Variants in DNAJC21 observed in about 807,000 individuals in gnomAD.
DNAJC21 encodes DnaJ heat shock protein family (Hsp40) member C21, also known as dnaJ homolog subfamily C member 21.
Under a neutral mutation model 72.4 loss-of-function variants are expected in DNAJC21, and 63 were observed. The observed-to-expected ratio is 0.87, with a 90% CI of 0.71 to 1.07. The LOEUF is 1.07. Ranked by LOEUF, DNAJC21 falls within the 50% of genes least tolerant of loss-of-function variation. The pLI is 0.00. For synonymous variants in DNAJC21, 203 were observed against 216.7 expected (o/e 0.94, Z 0.56); for missense variants, 634 against 644.8 (o/e 0.98, Z 0.18).
At chr5:34,939,382 C>T (rs552861648) in intron 6 of DNAJC21, among the ~76,000 whole-genome samples, 153 of 152,258 alleles carry the variant, frequency 1.0e-3, no homozygotes, top group Non-Finnish European at 1.6e-3. Flanking sequence ...TCTCCTGCCT[C>T]AGCCTCCCGA....
intron 5 of DNAJC21, 31 bp from the exon 6 acceptor site, chr5:34,938,827 G>A (rs1056354649): frequency 1.3e-6 from 2 of 1,551,304 alleles, no homozygotes; most frequent in African/African-American, 2.8e-5. Flanking sequence ...AGGCGTGCTT[G>A]TCGCTGTGAG....
At chr5:34,945,328 T>C (rs1002973886) in intron 8 of DNAJC21, among the ~76,000 whole-genome samples, 1 of 152,192 alleles carries the variant, frequency 6.6e-6, no homozygotes, top group Non-Finnish European at 1.5e-5. Context: ...TTCACCTGCC[T>C]CAGCCTCCCA....
Position 34,929,691 on chromosome 5 carries a change from C to A in DNAJC21, c.-129C>A. On this transcript the variant is annotated 5_prime_UTR_variant, in exon 1 of 12. It adds an upstream start codon to the 5' untranslated region. Transcript: ENST00000648817. ...CCGCCGCCGCCGCCGGGCTCGCTGG[C>A]TGGCCCGGTGCGGGCGGCGGACTCC... 4.2e-6 allele frequency: 1 copy of A among 240,850 alleles called. No homozygotes were observed. Among genetic ancestry groups the A allele is most frequent in the Non-Finnish European group, 6.7e-6 (1 of 150,362 alleles). 14.9% of individuals were successfully genotyped at this position (240,850 alleles called of 1,614,324 possible).
At chr5:34,944,405 A>G (rs919191969) in intron 7 of DNAJC21, among the ~76,000 whole-genome samples, 2 of 152,228 alleles carry the variant, frequency 1.3e-5, no homozygotes, top group African/African-American at 4.8e-5. Context: ...CTAATTTCCC[A>G]GTGATCCCTC....
rs184941196 is a variant in DNAJC21 at position 34,957,232 on chromosome 5, T to C, written c.*2518T>C. ...ATGGGCATGCATCTTACACTGATCT[T>C]ATTAGAGGTCAGTGCTAAGTACCCA... is the stretch of plus-strand genomic sequence containing the variant. On this transcript the variant is annotated 3_prime_UTR_variant, in exon 12 of 12. Transcript: ENST00000648817. 10 of 152,302 alleles carry C rather than the reference T, an allele frequency of 6.6e-5. No individual in the cohort carries two copies. Among genetic ancestry groups the C allele is most frequent in the Admixed American group, 6.5e-4 (10 of 15,296 alleles). The allele number at this position is 152,302 out of a possible 1,614,324, so 9.4% of individuals were successfully genotyped here. A position where few individuals can be genotyped will look rare whatever the true frequency, so the allele number is the denominator to read the frequency against.
chr5:34,933,539 G>A (rs1764668763), intron 1 of DNAJC21, among the ~76,000 whole-genome samples: 1 of 152,186 alleles, frequency 6.6e-6, no homozygotes, highest in Non-Finnish European at 1.5e-5. Flanking sequence ...GCCTCCTAAA[G>A]TGCTGGGATT....
At chr5:34,937,841 G>T (rs536487363) in intron 5 of DNAJC21, among the ~76,000 whole-genome samples, 25 of 152,278 alleles carry the variant, frequency 1.6e-4, no homozygotes, top group African/African-American at 5.8e-4. Flanking sequence ...TGTCACCCAG[G>T]CTGGAGTGCA....
rs376415238 is a variant in DNAJC21 at position 34,939,834 on chromosome 5, T to TA, written c.895+826dup. ...TATATCTGATTTTCCCCACTGTCTC[T>TA]ATAAAATTGACCCAGTTTTACCTTA... On this transcript the variant is annotated intron_variant, in intron 6 of 11. Coordinates refer to ENST00000648817, the MANE Select transcript of DNAJC21 (RefSeq NM_001012339.3). Among the ~76,000 whole-genome samples the TA allele has an allele frequency of 3.9e-5, 6 of 152,334 alleles. 1 individual carries two copies. Among genetic ancestry groups the TA allele is most frequent in the African/African-American group, 1.4e-4 (6 of 41,576 alleles).
At position 34,929,782 on chromosome 5, in the gene DNAJC21, T is replaced by G. The variant is rs916595987; in HGVS notation, c.-38T>G. ...GGCCCGGGCCCGGGCCCCGACCCCG[T>G]CCCGGGCCCCAGCGCCGGCCGCCCG... On this transcript the variant is annotated 5_prime_UTR_variant, in exon 1 of 12. Coordinates refer to ENST00000648817, the MANE Select transcript of DNAJC21 (RefSeq NM_001012339.3). 3 of 1,202,576 alleles carry G rather than the reference T, an allele frequency of 2.5e-6. No individual in the cohort carries two copies. The highest frequency in any genetic ancestry group is 5.0e-5 in the East Asian group (1 of 20,056). The allele number at this position is 1,202,576 out of a possible 1,614,324, so 74.5% of individuals were successfully genotyped here. A position where few individuals can be genotyped will look rare whatever the true frequency, so the allele number is the denominator to read the frequency against.
intron 1 of DNAJC21, among the ~76,000 whole-genome samples, chr5:34,931,241 G>A (rs564270938): frequency 1.3e-5 from 2 of 152,296 alleles, no homozygotes; most frequent in Admixed American, 6.5e-5. Context: ...CAACAGAGGC[G>A]TGAAAAAATG....
chr5:34,946,641 G>T (rs905021084), intron 9 of DNAJC21, among the ~76,000 whole-genome samples: 1 of 152,086 alleles, frequency 6.6e-6, no homozygotes, highest in Admixed American at 6.6e-5. Flanking sequence ...TTTTGCTTCA[G>T]TTATAAAACC....
chr5:34,932,825 T>C (rs1385557475), intron 1 of DNAJC21, among the ~76,000 whole-genome samples: 1 of 152,150 alleles, frequency 6.6e-6, no homozygotes, highest in Non-Finnish European at 1.5e-5. Flanking sequence ...ACTCCCAGAG[T>C]GATCAAGAGA....
intron 10 of DNAJC21, chr5:34,951,893 T>TA (rs1443591419): frequency 1.0e-6 from 1 of 985,368 alleles, no homozygotes; most frequent in Non-Finnish European, 1.2e-6. Context: ...CAACCACTGA[T>TA]ATAGTTCAGC....
intron 9 of DNAJC21, among the ~76,000 whole-genome samples, chr5:34,946,257 G>C (rs1765172550): frequency 1.3e-5 from 2 of 152,036 alleles, no homozygotes; most frequent in South Asian, 4.1e-4. Context: ...TTGAAAAAAT[G>C]TTTCTATTTT....
At position 34,949,682 on chromosome 5, in the gene DNAJC21, G is replaced by A. The variant is rs544258863; in HGVS notation, c.1186-488G>A. The A allele has an allele frequency of 2.2e-5, 35 of 1,613,736 alleles. No homozygotes were observed. In the East Asian group the frequency reaches 6.2e-4, roughly 29 times the overall value. On this transcript the variant is annotated intron_variant, in intron 9 of 11. Coordinates refer to ENST00000648817, the MANE Select transcript of DNAJC21 (RefSeq NM_001012339.3). ...ATGTTGCTTGAAAACAGACAGGTAC[G>A]CTTAGGATATGTTTGCCAGGCGTCT... is the stretch of plus-strand genomic sequence containing the variant.
chr5:34,951,814 G>A (rs1050172474), intron 10 of DNAJC21: 9 of 985,490 alleles, frequency 9.1e-6, no homozygotes, highest in East Asian at 1.1e-4. Flanking sequence ...GTGAGCTACC[G>A]TGTCTGGCCT....
Position 34,957,703 on chromosome 5 carries a change from C to T in DNAJC21, c.*2989C>T, listed in dbSNP as rs1397912643. 2 of 152,178 alleles carry T rather than the reference C, an allele frequency of 1.3e-5. No individual in the cohort carries two copies. The highest frequency in any genetic ancestry group is 2.9e-5 in the Non-Finnish European group (2 of 68,026). 9.4% of individuals were successfully genotyped at this position (152,178 alleles called of 1,614,324 possible). On this transcript the variant is annotated 3_prime_UTR_variant, in exon 12 of 12. Coordinates refer to ENST00000648817, the MANE Select transcript of DNAJC21 (RefSeq NM_001012339.3). ...CTCTAAAATTGTGGTTTAACTCACGCAGGAAGTAAAATTCCTATAGCAAGA... is the reference window on the plus strand; with the variant it reads ...CTCTAAAATTGTGGTTTAACTCACGTAGGAAGTAAAATTCCTATAGCAAGA...
intron 7 of DNAJC21, 78 bp downstream of exon 7, chr5:34,941,261 A>G: frequency 7.7e-7 from 1 of 1,304,588 alleles, no homozygotes; most frequent in Non-Finnish European, 1.1e-6. Flanking sequence ...GCAGTGGCAC[A>G]GTCATGACTC....
chr5:34,948,677 C>T (rs1174761505), intron 9 of DNAJC21, among the ~76,000 whole-genome samples: 1 of 152,078 alleles, frequency 6.6e-6, no homozygotes, highest in Non-Finnish European at 1.5e-5. Flanking sequence ...TCAGCTTGGC[C>T]AACATAGTGA....
Sources: gnomAD v4.1 joint callset for allele counts (sites outside exome capture counted in the v4.1 genomes callset) on GRCh38, gnomAD v4.1.1 for gene constraint, MANE v1.5 for transcripts, NCBI Gene and HGNC (gene_info 2026-07-23, HGNC 2026-07-21) for gene names.